The following DMP1 variants were observed in gnomAD, a reference collection of about 807,000 sequenced individuals.
The protein encoded by DMP1 is dentin matrix acidic phosphoprotein 1, also known as dentin matrix protein 1.
A neutral mutation model predicts 14.6 loss-of-function variants in DMP1; 20 were observed. The observed-to-expected ratio is 1.37, with a 90% CI of 0.96 to 1.99. The LOEUF (loss-of-function observed/expected upper bound fraction) is 1.99. Ranked by LOEUF, DMP1 falls within the 30% of genes most tolerant of loss-of-function variation. The pLI, the probability that DMP1 is intolerant of heterozygous loss-of-function variation, is 0.00. For missense variants in DMP1, 567 were observed against 620.5 expected (o/e 0.91, Z 0.92); for synonymous variants, 197 against 215.3 (o/e 0.91, Z 0.75).
chr4:87,658,610 T>C (rs946291584), intron 3 of DMP1, among the ~76,000 whole-genome samples: 4 of 152,234 alleles, frequency 2.6e-5, no homozygotes, highest in African/African-American at 7.2e-5. Flanking sequence ...GTTGAATAAA[T>C]AGTTTTCGAG....
chr4:87,657,153 C>A (rs1433965748), intron 3 of DMP1, 74 bp downstream of exon 3: 1 of 889,724 alleles, frequency 1.1e-6, no homozygotes, highest in Non-Finnish European at 1.8e-6. Context: ...GATTTCATTG[C>A]AAATATTGAA....
intron 1 of DMP1, among the ~76,000 whole-genome samples, chr4:87,655,598 CA>C (rs924078007): frequency 1.3e-4 from 20 of 150,930 alleles, no homozygotes; most frequent in African/African-American, 4.6e-4. Context: ...TTGCAGATCA[CA>C]AAAAAAGCAA....
Position 87,650,313 on chromosome 4 carries a change from T to G in DMP1, c.-93T>G, listed in dbSNP as rs1305632262. The G allele has an allele frequency of 1.3e-5, 2 of 152,220 alleles. No individual in the cohort carries two copies. The highest frequency in any genetic ancestry group is 2.9e-5 in the Non-Finnish European group (2 of 68,036). 9.4% of individuals were successfully genotyped at this position (152,220 alleles called of 1,614,324 possible). On this transcript the variant is annotated 5_prime_UTR_variant, in exon 1 of 6. Coordinates refer to ENST00000339673, the MANE Select transcript of DMP1 (RefSeq NM_004407.4). ...AACACAAGAGTGGCTTCATTGGGCA[T>G]AGATTTCCTCTTTGAGAACATCAAC...
At position 87,659,465 on chromosome 4, in the gene DMP1, G is replaced by C; in HGVS notation, c.170G>C (p.Ser57Thr). 1 of 1,613,998 alleles carries C rather than the reference G, an allele frequency of 6.2e-7. No individual in the cohort carries two copies. The highest frequency in any genetic ancestry group is 1.3e-5 in the African/African-American group (1 of 75,036). ...GAGTCATCAGAAGGCAGTAAAGTTA[G>C]CTCAGAGGAACAGGTAATTAAACAG... is the stretch of plus-strand genomic sequence containing the variant. ...SSESSEGSKV[S>T]SEEQANEDPS... The change falls in exon 5 of 6, where the codon AGC becomes ACC. Residue 57 changes from serine (S) to threonine (T), a missense_variant. Ser to Thr is a moderately conservative substitution (Grantham distance 58, BLOSUM62 1). Coordinates refer to ENST00000339673, the MANE Select transcript of DMP1 (RefSeq NM_004407.4).
In DMP1 at chr4:87,662,559, G is replaced by C; in HGVS notation, c.781G>C (p.Glu261Gln). 6.2e-7 allele frequency: 1 copy of C among 1,614,112 alleles called. No homozygotes were observed. Among genetic ancestry groups the C allele is most frequent in the Non-Finnish European group, 8.5e-7 (1 of 1,180,018 alleles). The change falls in exon 6 of 6, where the codon GAG (glutamate) becomes CAG (glutamine). Residue 261 changes from glutamate (E) to glutamine (Q), a missense_variant. Glu to Gln is a conservative substitution (Grantham distance 29). Coordinates refer to ENST00000339673, the MANE Select transcript of DMP1 (RefSeq NM_004407.4). The stretch of plus-strand genomic sequence containing the variant: ...AGATTCAGGTGGCAGCCAATTGCTG[G>C]AGCATCCCAGTAGGAAAATTTTTAG... ...TQDSGGSQLL[E>Q]HPSRKIFRKS... is the part of the protein sequence containing the mutation.
rs372505923 is a variant in DMP1 at position 87,661,973 on chromosome 4, C to T, written c.195C>T (p.Asp65=). 1.8e-5 allele frequency: 29 copies of T among 1,613,994 alleles called. No homozygotes were observed. In the African/African-American group the frequency reaches 3.1e-4, roughly 17 times the overall value. ...KVSSEEQANE[D]PSDSTQSEEG... ...ACCCCAAATTCTAGGCAAATGAAGA[C>T]CCCAGTGACAGCACTCAGTCAGAGG... Residue 65 remains aspartate (D), a synonymous_variant, in exon 6 of 6, where the codon GAC becomes GAT. Coordinates refer to ENST00000339673, the MANE Select transcript of DMP1 (RefSeq NM_004407.4).
intron 5 of DMP1, among the ~76,000 whole-genome samples, chr4:87,661,195 A>G (rs957308014): frequency 2.3e-5 from 3 of 130,018 alleles, no homozygotes; most frequent in South Asian, 2.6e-4. Flanking sequence ...GTGGCACCAC[A>G]GCCAGCTAAT....
intron 1 of DMP1, among the ~76,000 whole-genome samples, chr4:87,650,664 G>A (rs191236130): frequency 6.6e-6 from 1 of 152,256 alleles, no homozygotes; most frequent in Non-Finnish European, 1.5e-5. Flanking sequence ...TTATAGAACA[G>A]GAGGCAGATG....
At position 87,662,342 on chromosome 4, in the gene DMP1, G is replaced by A; in HGVS notation, c.564G>A (p.Glu188=). 2 of 1,614,086 alleles carry A rather than the reference G, an allele frequency of 1.2e-6. No homozygotes were observed. Among genetic ancestry groups the A allele is most frequent in the Non-Finnish European group, 1.7e-6 (2 of 1,180,020 alleles). ...GAGGTGACTCCACTCAAGAGAGTGA[G>A]AGTGAAGAGCACTGGGTGGGAGGTG... ...PEGGDSTQES[E]SEEHWVGGGS... Residue 188 remains glutamate (E), a synonymous_variant, in exon 6 of 6, where the codon GAG becomes GAA. Transcript: ENST00000339673.
chr4:87,661,386 T>G (rs1403303603), intron 5 of DMP1, among the ~76,000 whole-genome samples: 1 of 151,718 alleles, frequency 6.6e-6, no homozygotes, highest in Non-Finnish European at 1.5e-5. Context: ...CTCGCCCGGC[T>G]AATTTTTTGT....
At position 87,663,377 on chromosome 4, in the gene DMP1, G is replaced by A. The variant is rs1394481704; in HGVS notation, c.*57G>A. ...AAAGGAGTCTTAGGGACTTGAAAAT[G>A]TATCATGATAACTATAATTTATTGA... On this transcript the variant is annotated 3_prime_UTR_variant, in exon 6 of 6. Transcript: ENST00000339673. 6.8e-6 allele frequency: 11 copies of A among 1,611,608 alleles called. No individual in the cohort carries two copies. The highest frequency in any genetic ancestry group is 9.3e-6 in the Non-Finnish European group (11 of 1,178,178).
chr4:87,658,811 CTT>C (rs774891114), intron 3 of DMP1: 179 of 208,694 alleles, frequency 8.6e-4, no homozygotes, highest in Non-Finnish European at 1.5e-3. Context: ...GAACACATGA[CTT>C]TCAGTGCTAA....
rs1578152039 is a variant in DMP1 at position 87,656,387 on chromosome 4, A to T, written c.-21-85A>T. 3 of 811,204 alleles carry T rather than the reference A, an allele frequency of 3.7e-6. No individual in the cohort carries two copies. In the South Asian group the frequency reaches 4.1e-5, roughly 11 times the overall value. 50.3% of individuals were successfully genotyped at this position (811,204 alleles called of 1,614,324 possible). On this transcript the variant is annotated intron_variant, in intron 1 of 5. Transcript: ENST00000339673. ...CATCAGTTCATGGACATTTGGATGAATTTTTAGTAGGAAGAAACTGTTAAA... is the reference window on the plus strand; with the variant it reads ...CATCAGTTCATGGACATTTGGATGATTTTTTAGTAGGAAGAAACTGTTAAA...
chr4:87,657,070 A>T lies in DMP1; in HGVS notation c.93A>T (p.Glu31Asp). Residue 31 changes from glutamate (E) to aspartate (D), a missense_variant, in exon 3 of 6, where the codon GAA (glutamate) becomes GAT (aspartate). Coordinates refer to ENST00000339673, the MANE Select transcript of DMP1 (RefSeq NM_004407.4). ...AAAATAATGAATCTGAGGATTCTGA[A>T]GAATGGAAGGTGAGTAGAAATATGA... ...RYQNNESEDS[E>D]EWKGHLAQAP... 6.5e-7 allele frequency: 1 copy of T among 1,543,522 alleles called. No homozygotes were observed. The highest frequency in any genetic ancestry group is 9.0e-7 in the Non-Finnish European group (1 of 1,116,250).
chr4:87,659,964 GT>G (rs1728813295), intron 5 of DMP1, among the ~76,000 whole-genome samples: 2 of 152,324 alleles, frequency 1.3e-5, no homozygotes, highest in Admixed American at 6.5e-5. Flanking sequence ...TTCGAAAATA[GT>G]CCCATCTGTG....
intron 1 of DMP1, among the ~76,000 whole-genome samples, chr4:87,655,499 T>C (rs897645332): frequency 6.6e-5 from 10 of 152,134 alleles, no homozygotes; most frequent in Non-Finnish European, 1.0e-4. Flanking sequence ...TAATTTAGCA[T>C]AATTATGTAT....
Position 87,662,186 on chromosome 4 carries a change from T to C in DMP1, c.408T>C (p.Ser136=). Residue 136 remains serine (S), a synonymous_variant, in exon 6 of 6, where the codon AGT becomes AGC. Transcript: ENST00000339673. ...AAGGAGGAAACTCCAGACTGGGAAGTGATGAGGACTCTGATGACACCATAC... is the reference window on the plus strand; with the variant it reads ...AAGGAGGAAACTCCAGACTGGGAAGCGATGAGGACTCTGATGACACCATAC... ...RQEGGNSRLG[S]DEDSDDTIQA... 2 of 1,614,002 alleles carry C rather than the reference T, an allele frequency of 1.2e-6. No homozygotes were observed.
intron 5 of DMP1, among the ~76,000 whole-genome samples, chr4:87,659,992 G>C (rs1182040421): frequency 6.6e-6 from 1 of 152,200 alleles, no homozygotes; most frequent in Non-Finnish European, 1.5e-5. Context: ...GGCTCTGGGA[G>C]TGAGAAAGGC....
intron 1 of DMP1, among the ~76,000 whole-genome samples, chr4:87,654,819 C>T (rs113212173): frequency 6.6e-6 from 1 of 152,202 alleles, no homozygotes; most frequent in African/African-American, 2.4e-5. Context: ...AGCTGTCAGA[C>T]ATGCATCTGT....
Sources: gnomAD v4.1 joint callset for allele counts (sites outside exome capture counted in the v4.1 genomes callset) on GRCh38, gnomAD v4.1.1 for gene constraint, MANE v1.5 for transcripts, NCBI Gene and HGNC (gene_info 2026-07-23, HGNC 2026-07-21) for gene names.